The following PDXDC1 variants were observed in gnomAD, a reference collection of about 807,000 sequenced individuals.
PDXDC1 encodes the protein pyridoxal dependent decarboxylase domain containing 1.
Under a neutral mutation model 100.1 loss-of-function variants are expected in PDXDC1, and 42 were observed. The observed-to-expected ratio is 0.42, with a 90% CI of 0.33 to 0.54. The LOEUF (loss-of-function observed/expected upper bound fraction) is 0.54, where lower values mean the gene tolerates loss of function less well. Among genes scored for constraint, PDXDC1 ranks in the 20% least tolerant of loss-of-function variants. The probability of loss-of-function intolerance (pLI) is 0.10; values close to 1 mark genes in which losing one functional copy is unlikely to be tolerated. For missense variants in PDXDC1, 636 were observed against 979.2 expected, an observed-to-expected ratio of 0.65 and a Z score of 4.68; for synonymous variants, 260 against 371.7, an observed-to-expected ratio of 0.70 and a Z score of 3.46.
downstream of PDXDC1, among the ~76,000 whole-genome samples, chr16:15,141,221 G>A (rs553851430): frequency 5.3e-5 from 8 of 152,222 alleles, no homozygotes; most frequent in East Asian, 5.8e-4. Context: ...AGCCTACCCG[G>A]CGCAGGAGAG....
intron 16 of PDXDC1, 72 bp from the exon 17 acceptor site, chr16:15,031,663 G>A: frequency 1.5e-6 from 2 of 1,353,872 alleles, no homozygotes; most frequent in Non-Finnish European, 2.1e-6. Flanking sequence ...TCCCAGTAGT[G>A]GAAGAGGGAG....
chr16:15,078,898 A>T (rs974928784), intron 16 of PDXDC1, among the ~76,000 whole-genome samples: 10 of 138,294 alleles, frequency 7.2e-5, no homozygotes, highest in African/African-American at 2.8e-4. Flanking sequence ...TGCAAGCTCC[A>T]CCTCCCGGAT....
At chr16:15,061,533 T>C (rs967894046) in intron 16 of PDXDC1, 8 of 450,006 alleles carry the variant, frequency 1.8e-5, no homozygotes, top group Admixed American at 7.6e-5. Context: ...TTGCACATGA[T>C]AGTCTTCATT....
intron 16 of PDXDC1, among the ~76,000 whole-genome samples, chr16:15,111,873 G>A (rs1303528807): frequency 1.3e-5 from 2 of 148,894 alleles, no homozygotes; most frequent in Admixed American, 6.7e-5. Flanking sequence ...AGGTTAACAT[G>A]TTTCACAACT....
At chr16:15,123,289 A>T in intron 16 of PDXDC1, 1 of 1,467,266 alleles carries the variant, frequency 6.8e-7, no homozygotes, top group East Asian at 2.5e-5. Context: ...ACCTTCACAA[A>T]CCTGATTTCT....
In PDXDC1 at chr16:15,133,556, T is replaced by C. The variant is rs562879389; in HGVS notation, c.1400-5323T>C. 2.1e-3 allele frequency: 2,120 copies of C among 1,005,356 alleles called. 2 individuals carry two copies. Among genetic ancestry groups the C allele is most frequent in the Admixed American group, 4.2e-3 (209 of 50,040 alleles). The allele number at this position is 1,005,356 out of a possible 1,614,324, so 62.3% of individuals were successfully genotyped here. On this transcript the variant is annotated intron_variant, in intron 16 of 16. Transcript: ENST00000535621. ...CACCACGGCCAGGCCCACCTCGAAG[T>C]GTGGCCTGAAACCCGGGGGCAGCAC...
intron 1 of PDXDC1, chr16:14,990,062 C>A: frequency 6.7e-7 from 1 of 1,494,400 alleles, no homozygotes. Context: ...CCCCAAACCA[C>A]AGAAGCAGCA....
At chr16:15,127,715 A>C in intron 16 of PDXDC1, 1 of 1,500,484 alleles carries the variant, frequency 6.7e-7, no homozygotes, top group Non-Finnish European at 9.1e-7. Context: ...ACAGCCCCGT[A>C]CCACACGGCG....
At chr16:15,150,433 G>A in the PDXDC1 span, among the ~76,000 whole-genome samples, 1 of 151,410 alleles carries the variant, frequency 6.6e-6, no homozygotes, top group Non-Finnish European at 1.5e-5. Context: ...GGGAGGCCGA[G>A]GCAAGCAGAT....
intron 3 of PDXDC1, among the ~76,000 whole-genome samples, chr16:15,000,861 C>G (rs1972987496): frequency 6.6e-6 from 1 of 150,524 alleles, no homozygotes; most frequent in East Asian, 1.9e-4. Context: ...CTGTGACTGT[C>G]TAGCATTATA....
chr16:15,084,639 C>A, intron 16 of PDXDC1: 2 of 1,594,444 alleles, frequency 1.3e-6, no homozygotes, highest in East Asian at 2.2e-5. Context: ...AAAGTATACT[C>A]ACGATGGTAC....
At chr16:15,141,630 C>T (rs2048476981), downstream of PDXDC1, among the ~76,000 whole-genome samples, 2 of 152,116 alleles carry the variant, frequency 1.3e-5, no homozygotes, top group Non-Finnish European at 1.5e-5. Flanking sequence ...CCTAACTGAA[C>T]CCTGCTTCTC....
At chr16:15,035,702 A>T (rs767391197) in intron 22 of PDXDC1, 149 bp downstream of exon 22, 6 of 601,396 alleles carry the variant, frequency 1.0e-5, no homozygotes, top group Non-Finnish European at 1.7e-5. Context: ...TAGCCGTGGG[A>T]TTCAGCCTTG....
Position 15,036,408 on chromosome 16 carries a change from A to T in PDXDC1, c.*133A>T. ...GCTTCACTGGGATTTTGGCACAAATATGTGCCTGAAAGGTAGGCTTTCTAG... is the reference window on the plus strand; with the variant it reads ...GCTTCACTGGGATTTTGGCACAAATTTGTGCCTGAAAGGTAGGCTTTCTAG... On this transcript the variant is annotated 3_prime_UTR_variant, in exon 23 of 23. Transcript: ENST00000396410. The T allele has an allele frequency of 1.1e-6, 1 of 886,798 alleles. No homozygotes were observed. The highest frequency in any genetic ancestry group is 1.7e-6 in the Non-Finnish European group (1 of 577,308). The allele number at this position is 886,798 out of a possible 1,614,324, so 54.9% of individuals were successfully genotyped here.
chr16:15,132,398 A>AGGGAAG (rs1385502395), intron 16 of PDXDC1, among the ~76,000 whole-genome samples: 1 of 36,562 alleles, frequency 2.7e-5, no homozygotes, highest in Non-Finnish European at 5.2e-5. Flanking sequence ...GGGTTAGGGG[A>AGGGAAG]GGGAAGGGGC....
At chr16:15,135,209 A>G (rs2048291581) in intron 16 of PDXDC1, 7 of 787,120 alleles carry the variant, frequency 8.9e-6, no homozygotes, top group Non-Finnish European at 1.3e-5. Context: ...GCACTAAAAC[A>G]CGGAAAACAG....
chr16:15,067,636 G>C (rs2045033607), intron 16 of PDXDC1, among the ~76,000 whole-genome samples: 1 of 151,124 alleles, frequency 6.6e-6, no homozygotes, highest in South Asian at 2.1e-4. Flanking sequence ...GCCCCTCTCA[G>C]CTTACTGGTT....
rs767841351 is a variant in PDXDC1 at position 15,071,081 on chromosome 16, G to A, written c.1399+41025G>A. On this transcript the variant is annotated intron_variant, in intron 16 of 16. Transcript: ENST00000535621. The stretch of plus-strand genomic sequence containing the variant: ...GAGACAATGCTATACTCTTTTTAAA[G>A]CATGATATTAAAAAGTATTCGGAAA... The A allele has an allele frequency of 1.9e-6, 3 of 1,546,282 alleles. No individual in the cohort carries two copies. The South Asian group carries it at 3.5e-5, about 18-fold the overall frequency.
At chr16:15,029,478 G>T in intron 15 of PDXDC1, 1 of 351,706 alleles carries the variant, frequency 2.8e-6, no homozygotes. Flanking sequence ...ATAAGTCCTG[G>T]TACATCCATG....
Sources: gnomAD v4.1 joint callset for allele counts (sites outside exome capture counted in the v4.1 genomes callset) on GRCh38, gnomAD v4.1.1 for gene constraint, MANE v1.5 for transcripts, NCBI Gene and HGNC (gene_info 2026-07-23, HGNC 2026-07-21) for gene names.